AMPH: variants seen among roughly 807,000 people sequenced by gnomAD.
AMPH encodes the protein amphiphysin (Stiff-Mann syndrome with breast cancer 128kD autoantigen).
A neutral mutation model predicts 99.1 loss-of-function variants in AMPH; 49 were observed. The ratio of observed to expected loss-of-function variants is 0.49; its 90% CI spans 0.39 to 0.63. AMPH has a LOEUF of 0.63. AMPH is among the 20% of genes least tolerant of loss of function. The pLI is 0.00. For missense variants in AMPH, 759 were observed against 863.4 expected, an observed-to-expected ratio of 0.88 and a Z score of 1.52; for synonymous variants, 314 against 317.3, an observed-to-expected ratio of 0.99 and a Z score of 0.11.
intron 2 of AMPH, among the ~76,000 whole-genome samples, chr7:38,513,666 C>T (rs1465072570): frequency 2.6e-5 from 4 of 152,150 alleles, no homozygotes; most frequent in Non-Finnish European, 4.4e-5. Flanking sequence ...TTGTTCATTT[C>T]TTTCAGTGCC....
chr7:38,584,407 T>C (rs928642634), intron 1 of AMPH, among the ~76,000 whole-genome samples: 1 of 152,226 alleles, frequency 6.6e-6, no homozygotes, highest in Non-Finnish European at 1.5e-5. Context: ...ATGGCTGTCA[T>C]TGCTTTGAGG....
chr7:38,556,365 G>GA (rs945062755), intron 1 of AMPH, among the ~76,000 whole-genome samples: 9 of 151,856 alleles, frequency 5.9e-5, no homozygotes, highest in Non-Finnish European at 1.0e-4. Context: ...GGCATAAGAG[G>GA]AAAAAAAATG....
At chr7:38,507,390 C>T (rs972777239) in intron 2 of AMPH, among the ~76,000 whole-genome samples, 1 of 152,160 alleles carries the variant, frequency 6.6e-6, no homozygotes, top group Non-Finnish European at 1.5e-5. Flanking sequence ...ATTTCGGTTT[C>T]ATGAATCACT....
rs368071087 is a variant in AMPH at position 38,481,774 on chromosome 7, TAGGAGGCA to T, written c.397-4813_397-4806del. On this transcript the variant is annotated intron_variant, in intron 5 of 20. Coordinates refer to ENST00000356264, the MANE Select transcript of AMPH (RefSeq NM_001635.4). ...ACTGCACATGGCCTGTTGATTTCAA[TAGGAGGCA>T]AGGAAGTCAACTGTGTTCCATGCTT... Among the ~76,000 whole-genome samples the T allele has an allele frequency of 4.1e-3, 621 of 152,232 alleles. 6 individuals carry two copies. The highest frequency in any genetic ancestry group is 0.014 in the African/African-American group (596 of 41,548).
chr7:38,524,556 G>A (rs962039135), intron 2 of AMPH, among the ~76,000 whole-genome samples: 2 of 152,130 alleles, frequency 1.3e-5, no homozygotes, highest in South Asian at 2.1e-4. Flanking sequence ...CTGCTGTGTA[G>A]GATAGTGTCG....
At chr7:38,563,167 G>GAA (rs1791617368) in intron 1 of AMPH, among the ~76,000 whole-genome samples, 1 of 113,132 alleles carries the variant, frequency 8.8e-6, no homozygotes, top group Non-Finnish European at 1.9e-5. Flanking sequence ...GAATGAATGA[G>GAA]TGAATGGATA....
intron 1 of AMPH, among the ~76,000 whole-genome samples, chr7:38,608,855 G>A (rs1793526120): frequency 6.6e-6 from 1 of 152,172 alleles, no homozygotes; most frequent in African/African-American, 2.4e-5. Flanking sequence ...CCCACATTAG[G>A]AATATTCCTA....
intron 9 of AMPH, among the ~76,000 whole-genome samples, chr7:38,464,517 T>C (rs1344036688): frequency 6.6e-6 from 1 of 152,174 alleles, no homozygotes; most frequent in Non-Finnish European, 1.5e-5. Context: ...GATCCAAACA[T>C]TAACATATGT....
intron 1 of AMPH, among the ~76,000 whole-genome samples, chr7:38,592,471 C>A (rs1792891630): frequency 6.6e-6 from 1 of 152,144 alleles, no homozygotes; most frequent in Non-Finnish European, 1.5e-5. Context: ...TTGGCTCAAG[C>A]CTGTAATGTC....
At chr7:38,580,025 T>C (rs1010915371) in intron 1 of AMPH, among the ~76,000 whole-genome samples, 8 of 152,186 alleles carry the variant, frequency 5.3e-5, no homozygotes, top group African/African-American at 1.2e-4. Context: ...CTCCAAAATG[T>C]CCAGTCGACT....
At chr7:38,623,563 A>G (rs917929169) in intron 1 of AMPH, among the ~76,000 whole-genome samples, 4 of 152,224 alleles carry the variant, frequency 2.6e-5, no homozygotes, top group African/African-American at 9.6e-5. Flanking sequence ...TGCAGGCAAC[A>G]AAAGAGATTT....
At chr7:38,591,694 C>A (rs920876021) in intron 1 of AMPH, among the ~76,000 whole-genome samples, 3 of 152,180 alleles carry the variant, frequency 2.0e-5, no homozygotes, top group Non-Finnish European at 2.9e-5. Flanking sequence ...CCACCACTAA[C>A]AATAAACACA....
At chr7:38,611,483 T>C (rs926041907) in intron 1 of AMPH, among the ~76,000 whole-genome samples, 1 of 152,236 alleles carries the variant, frequency 6.6e-6, no homozygotes, top group Non-Finnish European at 1.5e-5. Flanking sequence ...ACAATAATTT[T>C]TTTTTACAAG....
At chr7:38,614,708 T>C (rs1382880795) in intron 1 of AMPH, among the ~76,000 whole-genome samples, 1 of 152,210 alleles carries the variant, frequency 6.6e-6, no homozygotes, top group Admixed American at 6.5e-5. Flanking sequence ...GCATTCTTTA[T>C]GATTTTTCCA....
chr7:38,438,973 G>A (rs1786397453), intron 11 of AMPH, among the ~76,000 whole-genome samples: 1 of 152,202 alleles, frequency 6.6e-6, no homozygotes, highest in Non-Finnish European at 1.5e-5. Flanking sequence ...TAATCCCCAT[G>A]TTTGGTCAAG....
chr7:38,452,712 G>A (rs1395311105), intron 11 of AMPH, among the ~76,000 whole-genome samples: 1 of 152,196 alleles, frequency 6.6e-6, no homozygotes, highest in African/African-American at 2.4e-5. Context: ...TCACTGATTA[G>A]TGCCATGTGG....
At chr7:38,479,628 G>A (rs571137680) in intron 5 of AMPH, among the ~76,000 whole-genome samples, 1 of 152,018 alleles carries the variant, frequency 6.6e-6, no homozygotes, top group South Asian at 2.1e-4. Flanking sequence ...GAAAGGAGGT[G>A]GGAACTGAAA....
intron 11 of AMPH, among the ~76,000 whole-genome samples, chr7:38,440,375 A>C (rs536972035): frequency 1.3e-5 from 2 of 152,204 alleles, no homozygotes; most frequent in Non-Finnish European, 2.9e-5. Context: ...ACAAAATCAG[A>C]AAGAATACAT....
rs567425368 is a variant in AMPH, at chr7:38,493,686, G to A, written c.300+747C>T. Among the ~76,000 whole-genome samples, 29 of 152,220 alleles carry A rather than the reference G, an allele frequency of 1.9e-4. 1 individual carries two copies. Among genetic ancestry groups the A allele is most frequent in the African/African-American group, 6.7e-4 (28 of 41,546 alleles). Reference sequence around the variant, plus strand: ...ACAGTCTGACTTTGTGCTTGTCTTCGTGAAGTGAAGATTTGTGAACGGACT... The same window carrying A: ...ACAGTCTGACTTTGTGCTTGTCTTCATGAAGTGAAGATTTGTGAACGGACT... On this transcript the variant is annotated intron_variant, in intron 4 of 20. Coordinates refer to ENST00000356264, the MANE Select transcript of AMPH (RefSeq NM_001635.4).
Sources: allele counts gnomAD v4.1 joint callset (sites outside exome capture counted in the v4.1 genomes callset), GRCh38; gene constraint gnomAD v4.1.1; transcripts MANE v1.5; gene names NCBI Gene and HGNC (gene_info 2026-07-23, HGNC 2026-07-21).